The following ALK variants were observed in gnomAD, a reference collection of about 807,000 sequenced individuals.
The protein encoded by ALK is ALK tyrosine kinase receptor.
In ALK, 74 loss-of-function variants were observed where a neutral mutation model predicts 163.1. The ratio of observed to expected loss-of-function variants is 0.45; its 90% CI spans 0.38 to 0.55. The LOEUF is 0.55. Among genes scored for constraint, ALK ranks in the 20% least tolerant of loss-of-function variants. The pLI, the probability that ALK is intolerant of heterozygous loss-of-function variation, is 0.00. For missense variants in ALK, 2,063 were observed against 2,105.3 expected (o/e 0.98, Z 0.39); for synonymous variants, 960 against 843.2 (o/e 1.14, Z -2.40).
chr2:29,707,495 G>T (rs115231828), intron 2 of ALK, among the ~76,000 whole-genome samples: 1,824 of 152,294 alleles, frequency 0.012, 35 homozygotes, highest in African/African-American at 0.042. Flanking sequence ...AAAAGCAACT[G>T]CTGGGCTGCA....
chr2:29,475,404 G>C (rs1671489698), intron 4 of ALK, among the ~76,000 whole-genome samples: 1 of 152,170 alleles, frequency 6.6e-6, no homozygotes, highest in South Asian at 2.1e-4. Flanking sequence ...TCCTGCCCAA[G>C]GTCACACGGC....
intron 3 of ALK, among the ~76,000 whole-genome samples, chr2:29,582,773 G>A (rs1277983080): frequency 6.6e-6 from 1 of 152,004 alleles, no homozygotes; most frequent in Non-Finnish European, 1.5e-5. Flanking sequence ...AAGAGACAGA[G>A]ACGGAACCAG....
intron 7 of ALK, among the ~76,000 whole-genome samples, chr2:29,318,874 C>T (rs972439062): frequency 6.6e-6 from 1 of 152,144 alleles, no homozygotes; most frequent in African/African-American, 2.4e-5. Context: ...CCAACAATTT[C>T]ATTCTAAACT....
chr2:29,675,529 GA>G (rs1264156921), intron 3 of ALK, among the ~76,000 whole-genome samples: 1 of 151,932 alleles, frequency 6.6e-6, no homozygotes, highest in Non-Finnish European at 1.5e-5. Context: ...GGGGAGGTCC[GA>G]ACCCTCAGTA....
chr2:29,195,190 T>C (rs1290941236), intron 28 of ALK, among the ~76,000 whole-genome samples: 1 of 152,204 alleles, frequency 6.6e-6, no homozygotes, highest in Non-Finnish European at 1.5e-5. Context: ...AGGGATATTA[T>C]AGACTATTGA....
intron 1 of ALK, among the ~76,000 whole-genome samples, chr2:29,767,731 T>C (rs1374633365): frequency 6.6e-6 from 1 of 152,200 alleles, no homozygotes; most frequent in Non-Finnish European, 1.5e-5. Flanking sequence ...ACTCCAGTGA[T>C]GAAATGCCCA....
rs1667996595 is a variant in ALK at position 29,921,236 on chromosome 2, T to C, written c.-577A>G. The C allele has an allele frequency of 8.6e-6, 2 of 233,806 alleles. No homozygotes were observed. Among genetic ancestry groups the C allele is most frequent in the East Asian group, 1.2e-4 (2 of 16,578 alleles). 14.5% of individuals were successfully genotyped at this position (233,806 alleles called of 1,614,324 possible). On this transcript the variant is annotated 5_prime_UTR_variant, in exon 1 of 29. Coordinates refer to ENST00000389048, the MANE Select transcript of ALK (RefSeq NM_004304.5). ...TGCCGTCTTGCGCACCCTCAAGCTATCTCTCCGCTGCGGGAAGGCTTCGGA... is the reference window on the plus strand; with the variant it reads ...TGCCGTCTTGCGCACCCTCAAGCTACCTCTCCGCTGCGGGAAGGCTTCGGA...
At chr2:29,594,367 C>T (rs1004454157) in intron 3 of ALK, among the ~76,000 whole-genome samples, 1 of 151,706 alleles carries the variant, frequency 6.6e-6, no homozygotes, top group Non-Finnish European at 1.5e-5. Flanking sequence ...CTTAAAGTGG[C>T]CATGGTGGCA....
At chr2:29,395,938 T>C (rs1048258711) in intron 4 of ALK, among the ~76,000 whole-genome samples, 1 of 152,260 alleles carries the variant, frequency 6.6e-6, no homozygotes, top group South Asian at 2.1e-4. Flanking sequence ...CCTGGGTCTT[T>C]GGGTTTTCAT....
At chr2:29,264,072 G>T (rs987453413) in intron 11 of ALK, among the ~76,000 whole-genome samples, 2 of 152,200 alleles carry the variant, frequency 1.3e-5, no homozygotes, top group African/African-American at 4.8e-5. Flanking sequence ...CTTCAGAGTT[G>T]ACTGCACGTG....
intron 3 of ALK, among the ~76,000 whole-genome samples, chr2:29,588,397 AT>A (rs1319596385): frequency 6.6e-6 from 1 of 151,882 alleles, no homozygotes; most frequent in Non-Finnish European, 1.5e-5. Context: ...TGCCTGGCTA[AT>A]TTTTGTATTT....
intron 4 of ALK, among the ~76,000 whole-genome samples, chr2:29,526,299 T>C (rs1388946043): frequency 1.3e-5 from 2 of 152,124 alleles, no homozygotes; most frequent in Admixed American, 6.5e-5. Flanking sequence ...GCTCATATTG[T>C]GTGTGAAGAA....
chr2:29,673,438 C>A (rs1677768277), intron 3 of ALK, among the ~76,000 whole-genome samples: 1 of 137,796 alleles, frequency 7.3e-6, no homozygotes, highest in South Asian at 2.6e-4. Context: ...ATTGGGAATC[C>A]TTTCCCCATT....
chr2:29,515,341 C>G (rs1357651307), intron 4 of ALK, among the ~76,000 whole-genome samples: 1 of 152,172 alleles, frequency 6.6e-6, no homozygotes, highest in Non-Finnish European at 1.5e-5. Flanking sequence ...ATATTTCACT[C>G]TCTAGCATGT....
chr2:29,462,987 C>T (rs1467511866), intron 4 of ALK, among the ~76,000 whole-genome samples: 1 of 152,044 alleles, frequency 6.6e-6, no homozygotes, highest in African/African-American at 2.4e-5. Flanking sequence ...GATCCAAATC[C>T]TATAAAATGG....
At chr2:29,473,160 T>C (rs1161483953) in intron 4 of ALK, among the ~76,000 whole-genome samples, 1 of 152,228 alleles carries the variant, frequency 6.6e-6, no homozygotes, top group Admixed American at 6.5e-5. Flanking sequence ...TGTGCAAATA[T>C]AGACAAACAG....
intron 1 of ALK, among the ~76,000 whole-genome samples, chr2:29,804,324 A>G (rs145366994): frequency 1.3e-5 from 2 of 152,180 alleles, no homozygotes; most frequent in East Asian, 1.9e-4. Flanking sequence ...ATCTCATTCC[A>G]CTCCCAACTA....
intron 1 of ALK, among the ~76,000 whole-genome samples, chr2:29,858,780 T>C (rs111883398): frequency 6.6e-6 from 1 of 150,980 alleles, no homozygotes; most frequent in Non-Finnish European, 1.5e-5. Context: ...GGTTCATGCC[T>C]GTAATCCCAG....
chr2:29,364,853 C>A (rs11890341), intron 5 of ALK, among the ~76,000 whole-genome samples: 45,996 of 151,994 alleles, frequency 0.3, 7,624 homozygotes, highest in East Asian at 0.64. Flanking sequence ...TTAGCAGGAC[C>A]CATTTTGGTG....
Sources: gnomAD v4.1 joint callset for allele counts (sites outside exome capture counted in the v4.1 genomes callset) on GRCh38, gnomAD v4.1.1 for gene constraint, MANE v1.5 for transcripts, NCBI Gene and HGNC (gene_info 2026-07-23, HGNC 2026-07-21) for gene names.